Variants in EPB41L2 observed in about 807,000 individuals in gnomAD.
EPB41L2 encodes band 4.1-like protein 2.
EPB41L2 carries 43 observed loss-of-function variants against 113.0 expected under a neutral mutation model. The observed-to-expected ratio is 0.38, with a 90% CI of 0.30 to 0.49. EPB41L2 has a LOEUF of 0.49. Ranked by LOEUF, EPB41L2 falls within the 20% of genes least tolerant of loss-of-function variation. The pLI is 0.95. For synonymous variants in EPB41L2, 442 were observed against 436.7 expected, an observed-to-expected ratio of 1.01 and a Z score of -0.15; for missense variants, 1,147 against 1,223.4, an observed-to-expected ratio of 0.94 and a Z score of 0.93.
intron 1 of EPB41L2, among the ~76,000 whole-genome samples, chr6:131,059,739 A>G (rs1000491205): frequency 6.6e-6 from 1 of 152,222 alleles, no homozygotes; most frequent in Non-Finnish European, 1.5e-5. Flanking sequence ...TGAGATTCCA[A>G]GATTCTATAA....
At chr6:130,887,621 T>TC (rs1200961151) in intron 11 of EPB41L2, among the ~76,000 whole-genome samples, 1 of 152,226 alleles carries the variant, frequency 6.6e-6, no homozygotes, top group African/African-American at 2.4e-5. Context: ...TATCCAGCTC[T>TC]CCCTCACCTT....
chr6:130,904,448 A>G lies in EPB41L2; in HGVS notation c.929+17T>C, dbSNP rs1356139250. The G allele has an allele frequency of 6.5e-7, 1 of 1,548,426 alleles. No homozygotes were observed. Among genetic ancestry groups the G allele is most frequent in the Non-Finnish European group, 8.9e-7 (1 of 1,128,196 alleles). On this transcript the variant is annotated intron_variant, in intron 6 of 19. Transcript: ENST00000337057. ...GCTGTAAGGAAAGGTTCATTTAAAAATGCAAATATAAAGTACCTGGTGATA... is the reference window on the plus strand; with the variant it reads ...GCTGTAAGGAAAGGTTCATTTAAAAGTGCAAATATAAAGTACCTGGTGATA...
chr6:130,872,392 CGAGG>C, intron 14 of EPB41L2: 1 of 1,288,610 alleles, frequency 7.8e-7, no homozygotes, highest in South Asian at 1.2e-5. Flanking sequence ...GTGAGAAGGG[CGAGG>C]AAGAAAGCTT....
rs373311698 is a variant in EPB41L2 at position 130,895,015 on chromosome 6, T to G, written c.1341A>C (p.Lys447Asn). ...AGAAGTTACTGCGTTTATAGGAAATTTTTAAGATTTTCGGCCAAGCAAAAC... is the reference window on the plus strand; with the variant it reads ...AGAAGTTACTGCGTTTATAGGAAATGTTTAAGATTTTCGGCCAAGCAAAAC... ...INRFAWPKILKISYKRSNFYI... is the reference protein window; with the variant it reads ...INRFAWPKILNISYKRSNFYI... The change falls in exon 9 of 20, where the codon AAA becomes AAC. Residue 447 changes from lysine (K) to asparagine (N), a missense_variant. Transcript: ENST00000337057. 6.2e-7 allele frequency: 1 copy of G among 1,613,990 alleles called. No homozygotes were observed. The highest frequency in any genetic ancestry group is 8.5e-7 in the Non-Finnish European group (1 of 1,179,898).
chr6:131,013,706 A>G (rs950554130), intron 1 of EPB41L2: 5 of 152,198 alleles, frequency 3.3e-5, no homozygotes, highest in Non-Finnish European at 5.9e-5. Context: ...AATGTAGTCA[A>G]TTTCTAGGCA....
chr6:130,916,453 T>C (rs1479478509), intron 4 of EPB41L2, among the ~76,000 whole-genome samples: 2 of 152,204 alleles, frequency 1.3e-5, no homozygotes, highest in East Asian at 3.9e-4. Flanking sequence ...TAATTATGAA[T>C]CCTAATACTG....
At chr6:130,994,746 G>T (rs112403614) in intron 1 of EPB41L2, among the ~76,000 whole-genome samples, 1 of 152,122 alleles carries the variant, frequency 6.6e-6, no homozygotes, top group Non-Finnish European at 1.5e-5. Context: ...CCCCAAATCA[G>T]TAAGCTCAAA....
intron 8 of EPB41L2, among the ~76,000 whole-genome samples, chr6:130,896,119 G>A (rs1277087478): frequency 6.6e-6 from 1 of 151,994 alleles, no homozygotes; most frequent in Non-Finnish European, 1.5e-5. Flanking sequence ...TTTAATAAAA[G>A]GACATTTTGT....
At chr6:130,971,427 T>C (rs1776744127) in intron 1 of EPB41L2, among the ~76,000 whole-genome samples, 1 of 152,220 alleles carries the variant, frequency 6.6e-6, no homozygotes, top group Non-Finnish European at 1.5e-5. Flanking sequence ...CTCTTTGACA[T>C]ATTCAAATGG....
chr6:130,841,708 G>A (rs73631089), intron 19 of EPB41L2, among the ~76,000 whole-genome samples: 1,578 of 152,320 alleles, frequency 0.01, 37 homozygotes, highest in African/African-American at 0.037. Flanking sequence ...AGGATGATAA[G>A]GTTTGGAGTC....
At chr6:131,035,733 T>A (rs1332490) in intron 1 of EPB41L2, among the ~76,000 whole-genome samples, 2,427 of 152,136 alleles carry the variant, frequency 0.016, 62 homozygotes, top group African/African-American at 0.055. Flanking sequence ...AAATTTCAGC[T>A]TCCTTACTTC....
chr6:131,023,544 A>G (rs367873993), intron 1 of EPB41L2, among the ~76,000 whole-genome samples: 21 of 152,104 alleles, frequency 1.4e-4, no homozygotes, highest in Middle Eastern at 3.4e-3. Context: ...TTAGCCGGGC[A>G]TGGTGGTGCA....
chr6:131,059,878 C>A (rs1254892057), intron 1 of EPB41L2, among the ~76,000 whole-genome samples: 2 of 152,096 alleles, frequency 1.3e-5, no homozygotes, highest in Non-Finnish European at 2.9e-5. Context: ...CTGAAAAAAA[C>A]AAGCCCACTG....
chr6:131,049,330 A>G (rs911908005), intron 1 of EPB41L2, among the ~76,000 whole-genome samples: 2 of 152,230 alleles, frequency 1.3e-5, no homozygotes, highest in African/African-American at 4.8e-5. Context: ...TTACAAGTTC[A>G]TGGATAAATT....
chr6:130,928,051 C>G (rs772309298), intron 3 of EPB41L2, among the ~76,000 whole-genome samples: 10 of 152,076 alleles, frequency 6.6e-5, no homozygotes, highest in Admixed American at 3.9e-4. Flanking sequence ...TGTGTTCACG[C>G]CACTGCAATC....
At chr6:130,989,250 C>A (rs934369260) in intron 1 of EPB41L2, among the ~76,000 whole-genome samples, 1 of 152,188 alleles carries the variant, frequency 6.6e-6, no homozygotes, top group Non-Finnish European at 1.5e-5. Context: ...CTAATACATA[C>A]TCTTCTGAAC....
chr6:130,995,987 T>C (rs989372958), intron 1 of EPB41L2, among the ~76,000 whole-genome samples: 1 of 152,206 alleles, frequency 6.6e-6, no homozygotes, highest in African/African-American at 2.4e-5. Flanking sequence ...CCTGTTCTAT[T>C]ATCTGTATAT....
At chr6:130,889,905 T>C (rs909062234) in intron 11 of EPB41L2, among the ~76,000 whole-genome samples, 3 of 152,280 alleles carry the variant, frequency 2.0e-5, no homozygotes, top group South Asian at 4.1e-4. Context: ...TATTCTGAAA[T>C]ATGCAATATA....
intron 18 of EPB41L2, among the ~76,000 whole-genome samples, chr6:130,859,184 A>G (rs1781217172): frequency 6.6e-6 from 1 of 152,242 alleles, no homozygotes; most frequent in African/African-American, 2.4e-5. Flanking sequence ...TTTTTAAAGT[A>G]TGGGTGAGAA....
Sources: gnomAD v4.1 joint callset for allele counts (sites outside exome capture counted in the v4.1 genomes callset) on GRCh38, gnomAD v4.1.1 for gene constraint, MANE v1.5 for transcripts, NCBI Gene and HGNC (gene_info 2026-07-23, HGNC 2026-07-21) for gene names.